Variants in NR6A1 observed in about 807,000 individuals in gnomAD.
NR6A1 encodes the protein nuclear receptor subfamily 6 group A member 1.
In NR6A1, 7 loss-of-function variants were observed where a neutral mutation model predicts 59.1. The observed-to-expected ratio is 0.12, with a 90% CI of 0.07 to 0.22. The LOEUF (loss-of-function observed/expected upper bound fraction) is 0.22, where lower values mean the gene tolerates loss of function less well. Among genes scored for constraint, NR6A1 ranks in the 10% least tolerant of loss-of-function variants. The pLI is 1.00. For synonymous variants in NR6A1, 243 were observed against 236.1 expected (o/e 1.03, Z -0.27); for missense variants, 468 against 611.6 (o/e 0.77, Z 2.48).
At chr9:124,644,282 T>TG in intron 2 of NR6A1, among the ~76,000 whole-genome samples, 1 of 145,530 alleles carries the variant, frequency 6.9e-6, no homozygotes, top group African/African-American at 2.5e-5. Flanking sequence ...TTTTTTTTTT[T>TG]TTTTTTTTGA....
chr9:124,762,731 C>T (rs928516385), intron 1 of NR6A1, among the ~76,000 whole-genome samples: 5 of 152,156 alleles, frequency 3.3e-5, no homozygotes, highest in Non-Finnish European at 7.4e-5. Context: ...TGTAATATCA[C>T]ACATAGATCT....
intron 2 of NR6A1, chr9:124,595,631 G>T: frequency 6.5e-6 from 3 of 463,190 alleles, no homozygotes; most frequent in South Asian, 4.8e-5. Flanking sequence ...TGAACTCTGC[G>T]AAGACACAAA....
intron 2 of NR6A1, among the ~76,000 whole-genome samples, chr9:124,633,402 CAAAA>C: frequency 1.4e-5 from 1 of 72,724 alleles, no homozygotes; most frequent in African/African-American, 5.3e-5. Flanking sequence ...AACTCCGTCT[CAAAA>C]AAAAAAAAAA....
rs990302349 is a variant in NR6A1 at position 124,591,127 on chromosome 9, G to A, written c.143-36557C>T. ...AGCCCCTCCCTTATTGTTGCTTACCGAATGGAGGCACTCCCTGGAGACCTT... is the reference window on the plus strand; with the variant it reads ...AGCCCCTCCCTTATTGTTGCTTACCAAATGGAGGCACTCCCTGGAGACCTT... On this transcript the variant is annotated intron_variant, in intron 2 of 9. Coordinates refer to ENST00000487099, the MANE Select transcript of NR6A1 (RefSeq NM_033334.4). 3.2e-4 allele frequency among the ~76,000 whole-genome samples: 49 copies of A among 152,158 alleles called. 1 individual carries two copies. Among genetic ancestry groups the A allele is most frequent in the African/African-American group, 1.1e-3 (46 of 41,442 alleles).
intron 2 of NR6A1, among the ~76,000 whole-genome samples, chr9:124,589,999 A>C (rs1264452675): frequency 8.1e-6 from 1 of 122,796 alleles, no homozygotes; most frequent in Non-Finnish European, 1.6e-5. Flanking sequence ...CAAGAGATGG[A>C]GGTTGCAGTG....
chr9:124,616,402 CAAAAA>C (rs71372978), intron 2 of NR6A1, among the ~76,000 whole-genome samples: 2 of 68,326 alleles, frequency 2.9e-5, no homozygotes, highest in Admixed American at 1.8e-4. Context: ...GACTCCATCT[CAAAAA>C]AAAAAAAAAA....
rs76677543 is a variant in NR6A1 at position 124,620,584 on chromosome 9, T to C, written c.143-66014A>G. ...AGCAGCAAGACACAGATAATACATA[T>C]GGTATAATTCAATTTATATGACATG... On this transcript the variant is annotated intron_variant, in intron 2 of 9. Transcript: ENST00000487099. Among the ~76,000 whole-genome samples the C allele has an allele frequency of 7.3e-3, 1,114 of 152,312 alleles. 15 individuals are homozygous for C. Among genetic ancestry groups the C allele is most frequent in the African/African-American group, 0.025 (1,053 of 41,562 alleles).
intron 2 of NR6A1, among the ~76,000 whole-genome samples, chr9:124,657,649 C>T (rs1248741229): frequency 3.9e-5 from 6 of 152,160 alleles, no homozygotes; most frequent in African/African-American, 7.2e-5. Context: ...CCCAAGGACC[C>T]TAGTTCAGAC....
At chr9:124,550,252 G>C (rs2131376305) in intron 3 of NR6A1, among the ~76,000 whole-genome samples, 1 of 151,732 alleles carries the variant, frequency 6.6e-6, no homozygotes. Flanking sequence ...TTTTCCCTTT[G>C]TAATTACTAT....
intron 3 of NR6A1, among the ~76,000 whole-genome samples, chr9:124,550,089 G>A (rs1053656639): frequency 2.6e-5 from 4 of 152,150 alleles, no homozygotes; most frequent in African/African-American, 9.7e-5. Context: ...ATTAGATTGA[G>A]TGAACTTACC....
At chr9:124,656,076 T>C (rs755813326) in intron 2 of NR6A1, among the ~76,000 whole-genome samples, 1 of 152,160 alleles carries the variant, frequency 6.6e-6, no homozygotes, top group Non-Finnish European at 1.5e-5. Context: ...ATTCTTGCAG[T>C]AGTCAGTGAG....
At chr9:124,579,305 T>C (rs1050558324) in intron 2 of NR6A1, among the ~76,000 whole-genome samples, 1 of 151,982 alleles carries the variant, frequency 6.6e-6, no homozygotes, top group African/African-American at 2.4e-5. Flanking sequence ...TGGTCCCAGC[T>C]ACATGGGAGG....
At chr9:124,570,365 C>G (rs1834405584) in intron 2 of NR6A1, among the ~76,000 whole-genome samples, 1 of 152,114 alleles carries the variant, frequency 6.6e-6, no homozygotes, top group African/African-American at 2.4e-5. Flanking sequence ...TGATTGAGAC[C>G]TGTCTTTGAT....
At chr9:124,724,524 T>C (rs1419183731) in intron 2 of NR6A1, among the ~76,000 whole-genome samples, 4 of 147,112 alleles carry the variant, frequency 2.7e-5, no homozygotes, top group Non-Finnish European at 3.0e-5. Context: ...TCAGACAACA[T>C]AGCACATACC....
At chr9:124,543,694 G>C in intron 4 of NR6A1, 108 bp downstream of exon 4, 1 of 743,200 alleles carries the variant, frequency 1.3e-6, no homozygotes, top group Non-Finnish European at 2.1e-6. Context: ...TGAAAGCAAA[G>C]ATGGCTCTCC....
intron 2 of NR6A1, among the ~76,000 whole-genome samples, chr9:124,688,472 CAG>C (rs1359030350): frequency 2.0e-5 from 3 of 152,210 alleles, no homozygotes; most frequent in African/African-American, 7.2e-5. Context: ...TGTGTAAGCA[CAG>C]AGTTACCAAT....
chr9:124,524,546 A>G (rs1344811047), intron 9 of NR6A1, among the ~76,000 whole-genome samples, 175 bp downstream of exon 9: 1 of 152,206 alleles, frequency 6.6e-6, no homozygotes, highest in East Asian at 1.9e-4. Context: ...TCTCTTCTCT[A>G]TGGAGAATGC....
chr9:124,706,561 G>C (rs1839137944), intron 2 of NR6A1, among the ~76,000 whole-genome samples: 1 of 151,924 alleles, frequency 6.6e-6, no homozygotes, highest in Non-Finnish European at 1.5e-5. Flanking sequence ...CGCCAGGCTG[G>C]AGTGCAGTGG....
At chr9:124,616,653 T>C (rs533412349) in intron 2 of NR6A1, among the ~76,000 whole-genome samples, 3 of 151,176 alleles carry the variant, frequency 2.0e-5, no homozygotes, top group African/African-American at 7.3e-5. Flanking sequence ...ACATAAAGAG[T>C]TCCTAAAAAT....
Sources: allele counts gnomAD v4.1 joint callset (sites outside exome capture counted in the v4.1 genomes callset), GRCh38; gene constraint gnomAD v4.1.1; transcripts MANE v1.5; gene names NCBI Gene and HGNC (gene_info 2026-07-23, HGNC 2026-07-21).